Variants in MALRD1 observed in about 807,000 individuals in gnomAD.
The protein encoded by MALRD1 is MAM and LDL receptor class A domain containing 1.
In MALRD1, 247 loss-of-function variants were observed where a neutral mutation model predicts 242.1. The observed-to-expected ratio is 1.02, with a 90% CI of 0.92 to 1.13. The LOEUF is 1.13. Among genes scored for constraint, MALRD1 ranks in the 50% most tolerant of loss-of-function variants. The probability of loss-of-function intolerance (pLI) is 0.00; values close to 1 mark genes in which losing one functional copy is unlikely to be tolerated. For missense variants in MALRD1, 2,989 were observed against 2,533.1 expected, an observed-to-expected ratio of 1.18 and a Z score of -3.86; for synonymous variants, 995 against 866.6, an observed-to-expected ratio of 1.15 and a Z score of -2.60.
At chr10:19,070,667 T>A (rs148518621) in intron 2 of MALRD1, among the ~76,000 whole-genome samples, 1 of 152,150 alleles carries the variant, frequency 6.6e-6, no homozygotes, top group Non-Finnish European at 1.5e-5. Flanking sequence ...CTGCTGCTGA[T>A]TAAATTTTCC....
chr10:19,721,914 G>A (rs528130847), intron 38 of MALRD1: 1 of 152,356 alleles, frequency 6.6e-6, no homozygotes, highest in South Asian at 2.1e-4. Flanking sequence ...GGGCTAAGCG[G>A]AACAGGAAGC....
chr10:19,210,978 T>G (rs1157270671), intron 18 of MALRD1, among the ~76,000 whole-genome samples: 1 of 152,220 alleles, frequency 6.6e-6, no homozygotes, highest in Non-Finnish European at 1.5e-5. Flanking sequence ...AAACATAAGA[T>G]ACATGTAATC....
intron 14 of MALRD1, among the ~76,000 whole-genome samples, chr10:19,199,109 GA>G (rs1836400126): frequency 6.6e-6 from 1 of 152,046 alleles, no homozygotes; most frequent in Admixed American, 6.6e-5. Context: ...CAACATACTA[GA>G]ATACTCAATT....
intron 7 of MALRD1, among the ~76,000 whole-genome samples, chr10:19,126,752 A>G (rs910901299): frequency 6.6e-6 from 1 of 150,896 alleles, no homozygotes; most frequent in Non-Finnish European, 1.5e-5. Context: ...TATTATTATT[A>G]TGGTTATTTA....
intron 25 of MALRD1, among the ~76,000 whole-genome samples, chr10:19,351,064 C>G (rs1844354949): frequency 6.6e-6 from 1 of 152,184 alleles, no homozygotes; most frequent in Admixed American, 6.5e-5. Flanking sequence ...CTCACCCATT[C>G]TTGGTTGATC....
rs145388614 is a variant in MALRD1, at chr10:19,554,612, C to A, written c.5479-12890C>A. On this transcript the variant is annotated intron_variant, in intron 32 of 39. Transcript: ENST00000454679. ...TTTGTGTCCATGTGTTCTCATTGTT[C>A]AGCTCCCACTTATGAGTGAGAACAT... Among the ~76,000 whole-genome samples, 16 of 152,150 alleles carry A rather than the reference C, an allele frequency of 1.1e-4. 1 individual carries two copies. Among genetic ancestry groups the A allele is most frequent in the African/African-American group, 3.6e-4 (15 of 41,508 alleles).
intron 32 of MALRD1, among the ~76,000 whole-genome samples, chr10:19,546,130 T>C (rs1835197550): frequency 6.6e-6 from 1 of 152,216 alleles, no homozygotes; most frequent in Non-Finnish European, 1.5e-5. Flanking sequence ...TTCACAACTG[T>C]CTGGTTACTT....
At chr10:19,526,542 A>G (rs1336830155) in intron 31 of MALRD1, among the ~76,000 whole-genome samples, 1 of 152,110 alleles carries the variant, frequency 6.6e-6, no homozygotes, top group Non-Finnish European at 1.5e-5. Context: ...CTTGGCATGC[A>G]TTAATACTTT....
intron 29 of MALRD1, among the ~76,000 whole-genome samples, chr10:19,477,296 G>A (rs1252689188): frequency 1.3e-5 from 2 of 151,954 alleles, no homozygotes; most frequent in Non-Finnish European, 2.9e-5. Flanking sequence ...AATTAACTAA[G>A]TATCTTCAAG....
intron 38 of MALRD1, among the ~76,000 whole-genome samples, chr10:19,704,862 A>G (rs1019470979): frequency 6.6e-6 from 1 of 152,182 alleles, no homozygotes; most frequent in African/African-American, 2.4e-5. Context: ...AAGGAAAGAA[A>G]GAGGCCAGGA....
At chr10:19,236,710 G>A (rs2131717257) in intron 18 of MALRD1, among the ~76,000 whole-genome samples, 1 of 152,196 alleles carries the variant, frequency 6.6e-6, no homozygotes, top group African/African-American at 2.4e-5. Context: ...AATAGATTCA[G>A]CTGTAATTTT....
chr10:19,627,696 G>C (rs187549061), intron 36 of MALRD1, among the ~76,000 whole-genome samples: 112 of 150,760 alleles, frequency 7.4e-4, no homozygotes, highest in African/African-American at 2.7e-3. Context: ...GGTGGGCAGA[G>C]GTTTCGCAGT....
At chr10:19,631,985 A>G (rs1839921913) in intron 36 of MALRD1, among the ~76,000 whole-genome samples, 1 of 152,144 alleles carries the variant, frequency 6.6e-6, no homozygotes, top group Admixed American at 6.6e-5. Flanking sequence ...TAATAATTGT[A>G]TAGCAGTATC....
intron 19 of MALRD1, among the ~76,000 whole-genome samples, chr10:19,264,826 G>A (rs1839909169): frequency 6.6e-6 from 1 of 152,136 alleles, no homozygotes; most frequent in African/African-American, 2.4e-5. Context: ...ATAAGGATTG[G>A]TATGAATTCT....
chr10:19,108,570 G>A lies in MALRD1; in HGVS notation c.694+4495G>A, dbSNP rs1402954973. ...GCTGGGACTACAGGTGCCCGCCACCGCGCCCGGCTAATTTTTTGTATTTTT... is the reference window on the plus strand; with the variant it reads ...GCTGGGACTACAGGTGCCCGCCACCACGCCCGGCTAATTTTTTGTATTTTT... On this transcript the variant is annotated intron_variant, in intron 5 of 39. Coordinates refer to ENST00000454679, the MANE Select transcript of MALRD1 (RefSeq NM_001142308.3). Among the ~76,000 whole-genome samples, 82 of 67,350 alleles carry A rather than the reference G, an allele frequency of 1.2e-3. 33 individuals carry two copies. The highest frequency in any genetic ancestry group is 7.5e-3 in the African/African-American group (73 of 9,764). 44.2% of individuals were successfully genotyped at this position (67,350 alleles called of 152,430 possible).
At position 19,660,628 on chromosome 10, in the gene MALRD1, A is replaced by T. The variant is rs566401866; in HGVS notation, c.6138-31654A>T. On this transcript the variant is annotated intron_variant, in intron 36 of 39. Coordinates refer to ENST00000454679, the MANE Select transcript of MALRD1 (RefSeq NM_001142308.3). Reference sequence around the variant, plus strand: ...TATTTTGACTTGACTTGCTTTTGAGAGTAAAGAGCGATTGTCATCACTTGA... The same window carrying T: ...TATTTTGACTTGACTTGCTTTTGAGTGTAAAGAGCGATTGTCATCACTTGA... Among the ~76,000 whole-genome samples the T allele has an allele frequency of 2.0e-5, 3 of 152,208 alleles. No homozygotes were observed. In the South Asian group the frequency reaches 6.2e-4, roughly 32 times the overall value.
chr10:19,164,023 A>G (rs929222433), intron 12 of MALRD1, among the ~76,000 whole-genome samples: 1 of 152,228 alleles, frequency 6.6e-6, no homozygotes, highest in Non-Finnish European at 1.5e-5. Flanking sequence ...GACATAGTGA[A>G]ACTTACAGCA....
rs115752666 is a variant in MALRD1, at chr10:19,330,685, A to T, written c.3688-684A>T. On this transcript the variant is annotated intron_variant, in intron 23 of 39. Coordinates refer to ENST00000454679, the MANE Select transcript of MALRD1 (RefSeq NM_001142308.3). ...GGTATTGTTGATAAATTGAAGATGG[A>T]ATTTGTAAAAGCATTAATGATTCCT... Among the ~76,000 whole-genome samples, 1,374 of 152,284 alleles carry T rather than the reference A, an allele frequency of 9.0e-3. 20 individuals carry two copies. Among genetic ancestry groups the T allele is most frequent in the African/African-American group, 0.032 (1,311 of 41,568 alleles).
intron 36 of MALRD1, among the ~76,000 whole-genome samples, chr10:19,633,365 A>G (rs1018820061): frequency 1.4e-4 from 21 of 152,180 alleles, no homozygotes; most frequent in African/African-American, 4.8e-4. Context: ...GAGCATTGAT[A>G]TGTTTCTTAC....
Sources: allele counts gnomAD v4.1 joint callset (sites outside exome capture counted in the v4.1 genomes callset), GRCh38; gene constraint gnomAD v4.1.1; transcripts MANE v1.5; gene names NCBI Gene and HGNC (gene_info 2026-07-23, HGNC 2026-07-21).